Variants in ABCC5 observed in about 807,000 individuals in gnomAD.
ABCC5 encodes ATP-binding cassette sub-family C member 5.
ABCC5 carries 61 observed loss-of-function variants against 160.9 expected under a neutral mutation model. The observed-to-expected ratio is 0.38, with a 90% CI of 0.31 to 0.47. ABCC5 has a LOEUF of 0.47. Ranked by LOEUF, ABCC5 falls within the 20% of genes least tolerant of loss-of-function variation. The pLI is 0.99. For synonymous variants in ABCC5, 666 were observed against 700.6 expected, an observed-to-expected ratio of 0.95 and a Z score of 0.78; for missense variants, 1,308 against 1,813.3, an observed-to-expected ratio of 0.72 and a Z score of 5.06.
intron 7 of ABCC5, 88 bp from the exon 8 acceptor site, chr3:183,981,962 G>A (rs1291280613): frequency 1.5e-5 from 22 of 1,450,688 alleles, no homozygotes; most frequent in South Asian, 5.7e-5. Context: ...TCAATAAAAT[G>A]AGCATATAAT....
At chr3:183,957,661 T>C (rs1156709487) in intron 17 of ABCC5, among the ~76,000 whole-genome samples, 11 of 151,704 alleles carry the variant, frequency 7.3e-5, no homozygotes, top group Non-Finnish European at 1.3e-4. Context: ...GATCCGTGTG[T>C]ACCTCACACC....
At chr3:183,985,590 C>G in intron 5 of ABCC5, 2 of 660,018 alleles carry the variant, frequency 3.0e-6, no homozygotes, top group Non-Finnish European at 5.6e-6. Flanking sequence ...CCTTCTCTTG[C>G]AGATCTACAG....
rs1351808793 is a variant in ABCC5 at position 183,959,756 on chromosome 3, T to G, written c.2459A>C (p.Glu820Ala). Residue 820 changes from glutamate (E) to alanine (A), a missense_variant, in exon 17 of 30, where the codon GAA (glutamate) becomes GCA (alanine). By Grantham distance (107) the Glu-to-Ala change is moderately radical. Transcript: ENST00000334444. ...ACCTTCCTCTGGCTTTACTGCTTTT[T>G]CCTTCTTTACTGATCCTGTTTTAGG... ...KGPKTGSVKKEKAVKPEEGQL... is the reference protein window; with the variant it reads ...KGPKTGSVKKAKAVKPEEGQL... The G allele has an allele frequency of 6.2e-7, 1 of 1,611,474 alleles. No individual in the cohort carries two copies. The highest frequency in any genetic ancestry group is 1.3e-5 in the African/African-American group (1 of 74,792).
chr3:183,987,843 A>T lies in ABCC5; in HGVS notation c.518T>A (p.Ile173Asn), dbSNP rs369474962. ...DAASLRRVVW[I>N]FCRTRLILSI... ...CAGGATGAGCCTGGTGCGGCAGAAG[A>T]TCCACACAACCCTTCGCAGGGAAGC... Residue 173 changes from isoleucine to asparagine, a missense_variant, in exon 5 of 30, where the codon ATC becomes AAC. Ile to Asn is a moderately radical substitution (Grantham distance 149). Around this residue, in one of 3 missense-constraint regions of ABCC5, gnomAD observed 1,142 missense variants for 1,527.1 expected, o/e 0.75. Transcript: ENST00000334444. This position sits in a 1 kb window ranked among gnomAD's most constrained non-coding sequence, Gnocchi z 4.2. The T allele has an allele frequency of 6.8e-6, 11 of 1,614,212 alleles. No individual in the cohort carries two copies. The highest frequency in any genetic ancestry group is 1.6e-4 in the Middle Eastern group (1 of 6,062).
At chr3:183,932,390 G>A (rs1028869240) in intron 26 of ABCC5, among the ~76,000 whole-genome samples, 12 of 152,308 alleles carry the variant, frequency 7.9e-5, no homozygotes, top group African/African-American at 2.9e-4. Context: ...TTTTTGAGAT[G>A]AGGAAGGCAG....
chr3:183,941,010 C>G (rs1714286485), intron 25 of ABCC5, among the ~76,000 whole-genome samples: 1 of 152,126 alleles, frequency 6.6e-6, no homozygotes, highest in African/African-American at 2.4e-5. Context: ...AGGCATCCAC[C>G]ACCACGCCCA....
At position 183,959,970 on chromosome 3, in the gene ABCC5, C is replaced by T. The variant is rs372181540; in HGVS notation, c.2380-135G>A. 5.9e-5 allele frequency: 35 copies of T among 589,570 alleles called. 1 individual carries two copies. Among genetic ancestry groups the T allele is most frequent in the East Asian group, 2.7e-4 (9 of 33,792 alleles). The allele number at this position is 589,570 out of a possible 1,614,324, so 36.5% of individuals were successfully genotyped here. A position where few individuals can be genotyped will look rare whatever the true frequency, so the allele number is the denominator to read the frequency against. ...TACATCCAACTTCTTAAAAGGGTCA[C>T]CTATACTCATTTCTTGTACTTCCTC... On this transcript the variant is annotated intron_variant, in intron 16 of 29. Transcript: ENST00000334444.
At position 183,959,844 on chromosome 3, in the gene ABCC5, AT is replaced by A. The variant is rs201777895; in HGVS notation, c.2380-10del. On this transcript the variant is annotated splice_polypyrimidine_tract_variant and intron_variant, in intron 16 of 29. Transcript: ENST00000334444. The stretch of plus-strand genomic sequence containing the variant: ...TCCTTTTTTGAATTGATCTAATAAT[AT>A]TTAAAAAAAAAAGTCTCCAGTCATG... The A allele has an allele frequency of 4.2e-4, 658 of 1,549,494 alleles. No individual in the cohort carries two copies. Among genetic ancestry groups the A allele is most frequent in the East Asian group, 1.7e-3 (71 of 41,778 alleles).
intron 17 of ABCC5, among the ~76,000 whole-genome samples, chr3:183,955,914 T>C (rs1268735149): frequency 1.4e-5 from 2 of 142,544 alleles, no homozygotes; most frequent in Admixed American, 7.2e-5. Flanking sequence ...ATCACATCAG[T>C]TATATGCAGC....
chr3:183,931,324 C>CTT (rs61449343), intron 26 of ABCC5, among the ~76,000 whole-genome samples: 27 of 131,516 alleles, frequency 2.1e-4, no homozygotes, highest in South Asian at 5.0e-4. Flanking sequence ...ACAGGCTTAA[C>CTT]TTTTTTTTTT....
chr3:183,960,500 C>G (rs1445293802), intron 16 of ABCC5, among the ~76,000 whole-genome samples: 1 of 152,218 alleles, frequency 6.6e-6, no homozygotes, highest in Non-Finnish European at 1.5e-5. Context: ...CCCTGGAAAG[C>G]TCACCCTCCC....
At chr3:183,955,943 C>T (rs1577517022) in intron 17 of ABCC5, among the ~76,000 whole-genome samples, 1 of 143,082 alleles carries the variant, frequency 7.0e-6, no homozygotes, top group Admixed American at 7.2e-5. Flanking sequence ...TTTATCACAT[C>T]GGTTACAGGC....
At position 183,971,229 on chromosome 3, in the gene ABCC5, G is replaced by A. The variant is rs143554200; in HGVS notation, c.1761+334C>T. On this transcript the variant is annotated intron_variant, in intron 11 of 29. Coordinates refer to ENST00000334444, the MANE Select transcript of ABCC5 (RefSeq NM_005688.4). Reference sequence around the variant, plus strand: ...GATGCACAGCCTAGTGCACAAGGGCGCTCACAGACTTGTAACAATCAGAAA... The same window carrying A: ...GATGCACAGCCTAGTGCACAAGGGCACTCACAGACTTGTAACAATCAGAAA... 2.1e-3 allele frequency among the ~76,000 whole-genome samples: 316 copies of A among 152,304 alleles called. 1 individual carries two copies. Among genetic ancestry groups the A allele is most frequent in the African/African-American group, 7.1e-3 (294 of 41,568 alleles).
At chr3:183,977,136 T>G (rs909488256) in intron 10 of ABCC5, among the ~76,000 whole-genome samples, 3 of 152,114 alleles carry the variant, frequency 2.0e-5, no homozygotes, top group African/African-American at 7.2e-5. Flanking sequence ...TCAATCAAAG[T>G]GACAGTAGCA....
Position 183,987,758 on chromosome 3 carries a change from G to C in ABCC5, c.591+12C>G, listed in dbSNP as rs760199493. ...CCCCTGGAGACTGTCGGAAAGGATG[G>C]TTAGAACTTACTGGTCCACTGAAGC... On this transcript the variant is annotated intron_variant, in intron 5 of 29. Transcript: ENST00000334444. The surrounding 1 kb of genome is among the most constrained non-coding windows in gnomAD (Gnocchi z 4.2). 6.2e-7 allele frequency: 1 copy of C among 1,614,174 alleles called. No homozygotes were observed. Among genetic ancestry groups the C allele is most frequent in the Non-Finnish European group, 8.5e-7 (1 of 1,180,022 alleles).
Position 183,988,028 on chromosome 3 carries a change from C to T in ABCC5, c.444-111G>A, listed in dbSNP as rs1576904933. On this transcript the variant is annotated intron_variant, in intron 4 of 29. Transcript: ENST00000334444. The surrounding 1 kb of genome is among the most constrained non-coding windows in gnomAD (Gnocchi z 4.4). ...AGGTTTTGCCACCACTCACACAAGT[C>T]TCTCCTTTAAAATTATGTACATAGT... 8.3e-7 allele frequency: 1 copy of T among 1,207,758 alleles called. No individual in the cohort carries two copies. Among genetic ancestry groups the T allele is most frequent in the East Asian group, 2.3e-5 (1 of 42,766 alleles). 74.8% of individuals were successfully genotyped at this position (1,207,758 alleles called of 1,614,324 possible). A position where few individuals can be genotyped will look rare whatever the true frequency, so the allele number is the denominator to read the frequency against.
chr3:183,982,546 C>T lies in ABCC5; in HGVS notation c.904G>A (p.Val302Ile), dbSNP rs780346269. Residue 302 changes from valine to isoleucine, a missense_variant, in exon 7 of 30, where the codon GTT becomes ATT. Physicochemically the swap from Val to Ile is conservative, Grantham distance 29. Transcript: ENST00000334444. This position sits in a 1 kb window ranked among gnomAD's most constrained non-coding sequence, Gnocchi z 5.2. ...AVGSLLAGGPVVAILGMIYNV... is the reference protein window; with the variant it reads ...AVGSLLAGGPIVAILGMIYNV... The stretch of plus-strand genomic sequence containing the variant: ...TAAATCATGCCTAAGATGGCAACAA[C>T]GGGTCCTCCAGCCAGCAGGCTGCCA... The T allele has an allele frequency of 1.2e-5, 19 of 1,614,056 alleles. No individual in the cohort carries two copies. Among genetic ancestry groups the T allele is most frequent in the South Asian group, 5.5e-5 (5 of 91,090 alleles).
intron 24 of ABCC5, 66 bp downstream of exon 24, chr3:183,945,784 G>A: frequency 7.7e-7 from 1 of 1,304,530 alleles, no homozygotes; most frequent in Non-Finnish European, 1.1e-6. Flanking sequence ...ACCCAGCTGA[G>A]GCAGCAAAGG....
At chr3:184,013,764 CGGGTGAGA>C (rs1721954535) in intron 2 of ABCC5, among the ~76,000 whole-genome samples, 1 of 152,128 alleles carries the variant, frequency 6.6e-6, no homozygotes, top group South Asian at 2.1e-4. Flanking sequence ...CAGAACAGAC[CGGGTGAGA>C]GGGTGACAGC....
Sources: allele counts gnomAD v4.1 joint callset (sites outside exome capture counted in the v4.1 genomes callset), GRCh38; gene constraint gnomAD v4.1.1; regional missense constraint gnomAD v4.1.1; non-coding constraint Gnocchi (gnomAD v3.1); transcripts MANE v1.5; gene names NCBI Gene and HGNC (gene_info 2026-07-23, HGNC 2026-07-21).